The following DOK6 variants were observed in gnomAD, a reference collection of about 807,000 sequenced individuals.
The protein encoded by DOK6 is downstream of tyrosine kinase 6.
DOK6 carries 22 observed loss-of-function variants against 44.0 expected under a neutral mutation model. The observed-to-expected ratio is 0.50, with a 90% CI of 0.36 to 0.71. The LOEUF (loss-of-function observed/expected upper bound fraction) is 0.71. Among genes scored for constraint, DOK6 ranks in the 30% least tolerant of loss-of-function variants. The pLI is 0.00. For missense variants in DOK6, 340 were observed against 416.4 expected (o/e 0.82, Z 1.60); for synonymous variants, 166 against 145.5 (o/e 1.14, Z -1.01).
chr18:69,594,851 G>T (rs61415925), intron 2 of DOK6, among the ~76,000 whole-genome samples: 3 of 151,472 alleles, frequency 2.0e-5, no homozygotes, highest in Non-Finnish European at 4.4e-5. Context: ...AAAGAAAAAA[G>T]AAAAAGGAGC....
chr18:69,674,554 C>A (rs1448307867), intron 3 of DOK6, among the ~76,000 whole-genome samples: 1 of 151,708 alleles, frequency 6.6e-6, no homozygotes, highest in African/African-American at 2.4e-5. Context: ...AATATGACTA[C>A]AAATGCACAC....
intron 2 of DOK6, among the ~76,000 whole-genome samples, chr18:69,585,217 C>T (rs1390796500): frequency 2.6e-5 from 4 of 151,926 alleles, no homozygotes; most frequent in Admixed American, 2.6e-4. Flanking sequence ...TTAAACTCTA[C>T]ATGTTTTGTA....
chr18:69,785,012 T>C (rs1277330834), intron 7 of DOK6, among the ~76,000 whole-genome samples: 1 of 152,198 alleles, frequency 6.6e-6, no homozygotes, highest in African/African-American at 2.4e-5. Flanking sequence ...TGCTATATGC[T>C]ATAATTAAAG....
intron 7 of DOK6, among the ~76,000 whole-genome samples, chr18:69,812,210 C>A (rs1174143113): frequency 6.6e-6 from 1 of 152,034 alleles, no homozygotes; most frequent in Non-Finnish European, 1.5e-5. Flanking sequence ...AAAGTAATTT[C>A]ATGTTTGTTG....
chr18:69,525,876 A>G (rs55860606), intron 1 of DOK6, among the ~76,000 whole-genome samples: 84,214 of 151,834 alleles, frequency 0.55, 24,041 homozygotes, highest in Non-Finnish European at 0.63. Flanking sequence ...ACTTTTCTTG[A>G]CTTTTGAGTC....
intron 7 of DOK6, among the ~76,000 whole-genome samples, chr18:69,805,229 GT>G (rs1287042938): frequency 5.9e-5 from 9 of 152,154 alleles, no homozygotes; most frequent in Non-Finnish European, 1.2e-4. Context: ...TGTTGAGACA[GT>G]AAACTCATCA....
chr18:69,686,133 AG>A (rs1986147770), intron 4 of DOK6, among the ~76,000 whole-genome samples: 1 of 152,092 alleles, frequency 6.6e-6, no homozygotes, highest in African/African-American at 2.4e-5. Flanking sequence ...ATAAAGATAT[AG>A]GAAGAAAATG....
intron 1 of DOK6, among the ~76,000 whole-genome samples, chr18:69,527,379 A>G (rs1981859834): frequency 2.0e-5 from 3 of 152,340 alleles, no homozygotes; most frequent in Middle Eastern, 3.4e-3. Context: ...CAGAAGGGGA[A>G]GTAAACATGT....
intron 1 of DOK6, among the ~76,000 whole-genome samples, chr18:69,420,007 C>G (rs1266600599): frequency 6.6e-6 from 1 of 151,954 alleles, no homozygotes; most frequent in Non-Finnish European, 1.5e-5. Context: ...TATATCTTAC[C>G]TAAGAAGTGT....
At chr18:69,706,658 A>G in intron 5 of DOK6, among the ~76,000 whole-genome samples, 1 of 139,824 alleles carries the variant, frequency 7.2e-6, no homozygotes, top group East Asian at 2.3e-4. Context: ...TATATCTCCT[A>G]ATGCTATCCC....
intron 7 of DOK6, among the ~76,000 whole-genome samples, chr18:69,778,486 A>G (rs1980151237): frequency 1.3e-5 from 2 of 152,204 alleles, no homozygotes; most frequent in Admixed American, 1.3e-4. Flanking sequence ...ACAAGGCAAT[A>G]AACACTTCAC....
chr18:69,457,973 T>C (rs2122469980), intron 1 of DOK6, among the ~76,000 whole-genome samples: 1 of 152,204 alleles, frequency 6.6e-6, no homozygotes. Context: ...GTGAAAGCTG[T>C]CTCTACTAAA....
chr18:69,776,451 A>T (rs1980068053), intron 7 of DOK6, among the ~76,000 whole-genome samples: 1 of 152,092 alleles, frequency 6.6e-6, no homozygotes, highest in African/African-American at 2.4e-5. Flanking sequence ...TACATATTGG[A>T]ACTACACGAT....
At chr18:69,427,769 G>C (rs1165281067) in intron 1 of DOK6, among the ~76,000 whole-genome samples, 1 of 142,070 alleles carries the variant, frequency 7.0e-6, no homozygotes, top group African/African-American at 2.6e-5. Flanking sequence ...ATACACCATG[G>C]AATACCCTAC....
rs569175736 is a variant in DOK6, at chr18:69,753,114, A to G, written c.739-4642A>G. Among the ~76,000 whole-genome samples, 37 of 152,366 alleles carry G rather than the reference A, an allele frequency of 2.4e-4. No individual in the cohort carries two copies. In the South Asian group the frequency reaches 4.8e-3, roughly 20 times the overall value. ...ATGACCTTTTCAATGAAATGTGTTCAAAAGAATCTTCTGAAGTTTAGGGGA... is the reference window on the plus strand; with the variant it reads ...ATGACCTTTTCAATGAAATGTGTTCGAAAGAATCTTCTGAAGTTTAGGGGA... On this transcript the variant is annotated intron_variant, in intron 6 of 7. Transcript: ENST00000382713.
chr18:69,690,520 C>T (rs946745861), intron 4 of DOK6, among the ~76,000 whole-genome samples: 2 of 152,116 alleles, frequency 1.3e-5, no homozygotes, highest in African/African-American at 4.8e-5. Context: ...AGAGTGACCA[C>T]TGCAATAATC....
At position 69,842,274 on chromosome 18, in the gene DOK6, C is replaced by G. The variant is rs1359969300; in HGVS notation, c.*891C>G. 2 of 152,092 alleles carry G rather than the reference C, an allele frequency of 1.3e-5. No individual in the cohort carries two copies. The highest frequency in any genetic ancestry group is 2.9e-5 in the Non-Finnish European group (2 of 68,036). 9.4% of individuals were successfully genotyped at this position (152,092 alleles called of 1,614,324 possible). A position where few individuals can be genotyped will look rare whatever the true frequency, so the allele number is the denominator to read the frequency against. Reference sequence around the variant, plus strand: ...GAACCAGTCTAGCTGTCCTACACATCATGTCATACCCTGTCTTTCTGGTGA... The same window carrying G: ...GAACCAGTCTAGCTGTCCTACACATGATGTCATACCCTGTCTTTCTGGTGA... On this transcript the variant is annotated 3_prime_UTR_variant, in exon 8 of 8. Transcript: ENST00000382713.
chr18:69,615,062 A>G (rs930362787), intron 3 of DOK6, among the ~76,000 whole-genome samples: 13 of 152,280 alleles, frequency 8.5e-5, no homozygotes, highest in Admixed American at 7.8e-4. Context: ...TAAGATAGTA[A>G]AACAACTAAT....
chr18:69,574,513 A>C (rs1454732830), intron 2 of DOK6, among the ~76,000 whole-genome samples: 3 of 152,160 alleles, frequency 2.0e-5, no homozygotes, highest in African/African-American at 7.2e-5. Flanking sequence ...AGGTTTACTT[A>C]GTTTTGACAA....
Sources: allele counts gnomAD v4.1 joint callset (sites outside exome capture counted in the v4.1 genomes callset), GRCh38; gene constraint gnomAD v4.1.1; transcripts MANE v1.5; gene names NCBI Gene and HGNC (gene_info 2026-07-23, HGNC 2026-07-21).